TTC34: variants seen among roughly 807,000 people sequenced by gnomAD.
TTC34 encodes the protein tetratricopeptide repeat protein 34.
TTC34 carries 44 observed loss-of-function variants against 40.7 expected under a neutral mutation model. That is an observed-to-expected ratio of 1.08 (90% CI 0.85 to 1.39). TTC34 has a LOEUF of 1.39. TTC34 is among the 40% of genes most tolerant of loss of function. The probability of loss-of-function intolerance (pLI) is 0.00; values close to 1 mark genes in which losing one functional copy is unlikely to be tolerated. For synonymous variants in TTC34, 422 were observed against 398.6 expected (o/e 1.06, Z -0.70); for missense variants, 884 against 838.0 (o/e 1.05, Z -0.68).
At chr1:2,789,902 C>T in exon 3 of TTC34, 1 of 399,196 alleles carries the variant, frequency 2.5e-6, no homozygotes, top group Non-Finnish European at 4.4e-6. Context: ...GTCCCCTGCA[C>T]GGTCCCCCGC....
chr1:2,755,812 C>G (rs1641486221), intron 6 of TTC34, among the ~76,000 whole-genome samples: 2 of 116,018 alleles, frequency 1.7e-5, no homozygotes, highest in East Asian at 2.8e-4. Flanking sequence ...TGGTCTGGAG[C>G]AGCACCCACA....
chr1:2,754,834 T>A (rs1641451767), intron 6 of TTC34, among the ~76,000 whole-genome samples: 1 of 148,934 alleles, frequency 6.7e-6, no homozygotes, highest in Non-Finnish European at 1.5e-5. Context: ...GGTGAGCATC[T>A]GACAGACTGG....
intron 6 of TTC34, among the ~76,000 whole-genome samples, chr1:2,686,280 C>T (rs201081018): frequency 3.9e-4 from 36 of 92,602 alleles, no homozygotes; most frequent in African/African-American, 1.2e-3. Flanking sequence ...AGCACCCACA[C>T]CCCCAGGCGA....
At chr1:2,683,314 C>A (rs536188342) in intron 6 of TTC34, among the ~76,000 whole-genome samples, 3 of 151,648 alleles carry the variant, frequency 2.0e-5, no homozygotes, top group East Asian at 1.9e-4. Flanking sequence ...TCCACACCCC[C>A]AGGTGAGCAT....
chr1:2,749,727 C>G lies in TTC34; in HGVS notation c.2226+33882G>C, dbSNP rs1190529536. On this transcript the variant is annotated intron_variant, in intron 6 of 8. Transcript: ENST00000401095. ...ACAGTCTGGAACAGCACGCACAACCCCAGGTGAGCATCTGACAGACTGGAA... is the reference window on the plus strand; with the variant it reads ...ACAGTCTGGAACAGCACGCACAACCGCAGGTGAGCATCTGACAGACTGGAA... 2.5e-5 allele frequency among the ~76,000 whole-genome samples: 2 copies of G among 79,780 alleles called. 1 individual carries two copies. Among genetic ancestry groups the G allele is most frequent in the African/African-American group, 1.3e-4 (2 of 14,850 alleles). The allele number at this position is 79,780 out of a possible 152,430, so 52.3% of individuals were successfully genotyped here.
chr1:2,696,866 G>T (rs1214423308), intron 6 of TTC34, among the ~76,000 whole-genome samples: 1 of 46,316 alleles, frequency 2.2e-5, no homozygotes, highest in Non-Finnish European at 5.2e-5. Context: ...CGACAGCCTG[G>T]AGCAGCACCC....
intron 6 of TTC34, among the ~76,000 whole-genome samples, chr1:2,759,875 C>CACCG: frequency 1.6e-5 from 1 of 63,978 alleles, no homozygotes; most frequent in Non-Finnish European, 3.4e-5. Flanking sequence ...GAGTAGTATC[C>CACCG]TGCACCCTCA....
intron 6 of TTC34, among the ~76,000 whole-genome samples, chr1:2,760,557 A>T (rs1641661333): frequency 1.6e-4 from 5 of 30,942 alleles, no homozygotes; most frequent in East Asian, 2.1e-3. Context: ...CTGGAGCAGC[A>T]CCCACACACC....
In TTC34 at chr1:2,750,549, G is replaced by A. The variant is rs1641281833; in HGVS notation, c.2226+33060C>T. Among the ~76,000 whole-genome samples, 13 of 151,776 alleles carry A rather than the reference G, an allele frequency of 8.6e-5. 1 individual carries two copies. Among genetic ancestry groups the A allele is most frequent in the African/African-American group, 3.1e-4 (13 of 41,300 alleles). ...TCCCCAAGCGAGCATCCGACAGCCT[G>A]GGGCAGCACCCACACCCCCAGGTGA... On this transcript the variant is annotated intron_variant, in intron 6 of 8. Transcript: ENST00000401095.
rs1261250024 is a variant in TTC34, at chr1:2,789,783, C to T, written c.1348G>A (p.Gly450Arg). The change falls in exon 3 of 9, where the codon GGG becomes AGG. Residue 450 changes from glycine (G) to arginine (R), a missense_variant. By Grantham distance (125) the Gly-to-Arg change is moderately radical. Coordinates refer to ENST00000401095, the Ensembl canonical transcript of TTC34. Reference sequence around the variant, plus strand: ...CCGCACAGCGCGCGCACACAGCCCCCCGGGTGCGGCGCCCCCTGCTCCACT... The same window carrying T: ...CCGCACAGCGCGCGCACACAGCCCCTCGGGTGCGGCGCCCCCTGCTCCACT... The T allele has an allele frequency of 5.7e-6, 3 of 529,766 alleles. No individual in the cohort carries two copies. In the African/African-American group the frequency reaches 6.0e-5, roughly 11 times the overall value. The allele number at this position is 529,766 out of a possible 1,614,324, so 32.8% of individuals were successfully genotyped here.
intron 6 of TTC34, among the ~76,000 whole-genome samples, chr1:2,694,575 G>T (rs1332130341): frequency 9.2e-6 from 1 of 108,526 alleles, no homozygotes; most frequent in African/African-American, 3.7e-5. Flanking sequence ...CTGACAGCCT[G>T]GAACAGTACC....
At chr1:2,752,841 A>C (rs1641369614) in intron 6 of TTC34, among the ~76,000 whole-genome samples, 1 of 150,566 alleles carries the variant, frequency 6.6e-6, no homozygotes, top group Non-Finnish European at 1.5e-5. Context: ...GACAGACTGG[A>C]ACAGCACCCA....
intron 6 of TTC34, among the ~76,000 whole-genome samples, chr1:2,756,020 C>G (rs1367966519): frequency 2.3e-5 from 2 of 88,192 alleles, no homozygotes; most frequent in African/African-American, 7.6e-5. Context: ...AAACAGCACA[C>G]ACACCCCCAG....
chr1:2,691,096 C>G (rs576171314), intron 6 of TTC34, among the ~76,000 whole-genome samples: 1,267 of 78,344 alleles, frequency 0.016, 307 homozygotes, highest in African/African-American at 0.045. Context: ...GAGCAGCACC[C>G]ACACCTTCAG....
intron 2 of TTC34, among the ~76,000 whole-genome samples, chr1:2,795,615 C>T (rs541338712): frequency 1.3e-5 from 2 of 152,338 alleles, no homozygotes; most frequent in Admixed American, 6.5e-5. Context: ...AAGGCCATGC[C>T]AGATTCTGTA....
In TTC34 at chr1:2,698,974, C is replaced by G. The variant is rs1407742306; in HGVS notation, c.2227-53411G>C. Among the ~76,000 whole-genome samples the G allele has an allele frequency of 2.8e-5, 4 of 141,020 alleles. 1 individual carries two copies. Among genetic ancestry groups the G allele is most frequent in the Non-Finnish European group, 6.3e-5 (4 of 63,738 alleles). 92.5% of individuals were successfully genotyped at this position (141,020 alleles called of 152,430 possible). A position where few individuals can be genotyped will look rare whatever the true frequency, so the allele number is the denominator to read the frequency against. ...AGCCTGGAACATCACCCTGCCCCCC[C>G]AGGTGAGCATCTGACAGCCTGGAAA... On this transcript the variant is annotated intron_variant, in intron 6 of 8. Transcript: ENST00000401095.
At chr1:2,749,600 A>C (rs1641252482) in intron 6 of TTC34, among the ~76,000 whole-genome samples, 1 of 107,604 alleles carries the variant, frequency 9.3e-6, no homozygotes, top group Non-Finnish European at 1.8e-5. Context: ...AGCAGCACCC[A>C]CACCCCCAGG....
intron 1 of TTC34, 52 bp from the exon 2 acceptor site, chr1:2,800,920 C>T (rs1009832718): frequency 5.0e-6 from 2 of 398,230 alleles, no homozygotes; most frequent in African/African-American, 4.1e-5. Flanking sequence ...GTTCTCCTGC[C>T]CTGTGGCCAC....
At chr1:2,752,107 ACAGCCTG>A (rs1641339318) in intron 6 of TTC34, among the ~76,000 whole-genome samples, 1 of 111,478 alleles carries the variant, frequency 9.0e-6, no homozygotes, top group Admixed American at 9.4e-5. Context: ...CGAGCATCGG[ACAGCCTG>A]GAGCAACACC....
Sources: allele counts gnomAD v4.1 joint callset (sites outside exome capture counted in the v4.1 genomes callset), GRCh38; gene constraint gnomAD v4.1.1; transcripts MANE v1.5; gene names NCBI Gene and HGNC (gene_info 2026-07-23, HGNC 2026-07-21).